The following GPC5 variants were observed in gnomAD, a reference collection of about 807,000 sequenced individuals.
The protein encoded by GPC5 is glypican-5.
A neutral mutation model predicts 53.9 loss-of-function variants in GPC5; 47 were observed. The ratio of observed to expected loss-of-function variants is 0.87; its 90% CI spans 0.69 to 1.11. The LOEUF is 1.11. GPC5 is among the 50% of genes most tolerant of loss of function. The probability of loss-of-function intolerance (pLI) is 0.00; values close to 1 mark genes in which losing one functional copy is unlikely to be tolerated. For synonymous variants in GPC5, 286 were observed against 263.3 expected (o/e 1.09, Z -0.84); for missense variants, 748 against 713.1 (o/e 1.05, Z -0.56).
intron 6 of GPC5, among the ~76,000 whole-genome samples, chr13:91,988,867 GT>G (rs1334806836): frequency 6.6e-6 from 1 of 150,666 alleles, no homozygotes; most frequent in African/African-American, 2.4e-5. Flanking sequence ...ATTCTGGAGT[GT>G]TTTAGATTTG....
intron 7 of GPC5, among the ~76,000 whole-genome samples, chr13:92,811,809 A>G (rs1284153125): frequency 6.6e-6 from 1 of 151,956 alleles, no homozygotes. Flanking sequence ...GTTCAACATC[A>G]TACTTTTGAG....
chr13:92,619,324 G>A (rs1389694106), intron 7 of GPC5, among the ~76,000 whole-genome samples: 2 of 151,810 alleles, frequency 1.3e-5, no homozygotes, highest in South Asian at 4.1e-4. Flanking sequence ...ATTATGAAAG[G>A]CTTCATATTG....
At chr13:91,670,898 A>G (rs1177174846) in intron 2 of GPC5, among the ~76,000 whole-genome samples, 1 of 152,164 alleles carries the variant, frequency 6.6e-6, no homozygotes, top group African/African-American at 2.4e-5. Flanking sequence ...AAAAATAAAA[A>G]CTACATACTT....
intron 7 of GPC5, among the ~76,000 whole-genome samples, chr13:92,711,283 C>A (rs959699731): frequency 6.6e-6 from 1 of 152,146 alleles, no homozygotes; most frequent in African/African-American, 2.4e-5. Flanking sequence ...ATACAATCCA[C>A]AACACTTTGA....
At chr13:92,175,003 C>T (rs998219278) in intron 7 of GPC5, among the ~76,000 whole-genome samples, 4 of 152,148 alleles carry the variant, frequency 2.6e-5, no homozygotes, top group South Asian at 2.1e-4. Flanking sequence ...GGATGCGCCA[C>T]CACGTCCTGC....
At chr13:91,467,594 G>A (rs1289358202) in intron 2 of GPC5, among the ~76,000 whole-genome samples, 2 of 151,878 alleles carry the variant, frequency 1.3e-5, no homozygotes, top group Non-Finnish European at 2.9e-5. Context: ...TGTTGATGCT[G>A]TTTTTCCAAG....
intron 7 of GPC5, among the ~76,000 whole-genome samples, chr13:92,212,799 C>T (rs2139076547): frequency 6.6e-6 from 1 of 152,308 alleles, no homozygotes; most frequent in East Asian, 1.9e-4. Flanking sequence ...TACCTAAAGA[C>T]TTTACCTGGC....
chr13:91,561,074 G>A (rs919390020), intron 2 of GPC5, among the ~76,000 whole-genome samples: 1 of 152,106 alleles, frequency 6.6e-6, no homozygotes, highest in African/African-American at 2.4e-5. Flanking sequence ...CTAATTTTTG[G>A]TTCCTGGAGA....
chr13:92,333,489 C>A (rs2139238086), intron 7 of GPC5, among the ~76,000 whole-genome samples: 1 of 152,122 alleles, frequency 6.6e-6, no homozygotes, highest in Non-Finnish European at 1.5e-5. Flanking sequence ...AAGGAAAATA[C>A]CAATCTTTGG....
intron 5 of GPC5, among the ~76,000 whole-genome samples, chr13:91,902,873 C>G (rs1216022491): frequency 4.0e-5 from 6 of 151,848 alleles, no homozygotes; most frequent in Admixed American, 2.6e-4. Flanking sequence ...TTAAACATAC[C>G]TGTGTGGGTC....
intron 5 of GPC5, among the ~76,000 whole-genome samples, chr13:91,836,759 C>T (rs2138864614): frequency 6.6e-6 from 1 of 151,792 alleles, no homozygotes; most frequent in Middle Eastern, 3.4e-3. Context: ...TTTTTGCTGA[C>T]TGGGACAAAT....
rs1003670892 is a variant in GPC5 at position 92,490,784 on chromosome 13, C to T, written c.1561+345795C>T. Among the ~76,000 whole-genome samples, 12 of 152,076 alleles carry T rather than the reference C, an allele frequency of 7.9e-5. 1 individual carries two copies. Among genetic ancestry groups the T allele is most frequent in the Admixed American group, 7.2e-4 (11 of 15,254 alleles). On this transcript the variant is annotated intron_variant, in intron 7 of 7. Transcript: ENST00000377067. The stretch of plus-strand genomic sequence containing the variant: ...TAACAGATAATGAACTAAAAATTTT[C>T]TTAAAAATAATTGACTGAAAAGATA...
chr13:91,976,968 G>A (rs2040308558), intron 6 of GPC5, among the ~76,000 whole-genome samples: 1 of 151,988 alleles, frequency 6.6e-6, no homozygotes, highest in African/African-American at 2.4e-5. Context: ...GAACCCAGGA[G>A]ATGGAGGTTT....
intron 7 of GPC5, among the ~76,000 whole-genome samples, chr13:92,782,059 G>T (rs1876044911): frequency 6.7e-6 from 1 of 148,698 alleles, no homozygotes; most frequent in African/African-American, 2.5e-5. Flanking sequence ...GAAGGGAAGT[G>T]AAGGGGAAGG....
At chr13:92,860,330 A>T (rs1879139270) in intron 7 of GPC5, among the ~76,000 whole-genome samples, 1 of 152,162 alleles carries the variant, frequency 6.6e-6, no homozygotes, top group Non-Finnish European at 1.5e-5. Context: ...ATGAGGCTAT[A>T]GGGCTACCGG....
chr13:91,400,427 C>A (rs1405773335), intron 1 of GPC5, among the ~76,000 whole-genome samples: 2 of 152,150 alleles, frequency 1.3e-5, no homozygotes, highest in African/African-American at 4.8e-5. Context: ...GTACTAGGTG[C>A]TTTTTCTGTA....
intron 3 of GPC5, among the ~76,000 whole-genome samples, chr13:91,694,118 C>A (rs1381262929): frequency 6.6e-6 from 1 of 152,120 alleles, no homozygotes; most frequent in South Asian, 2.1e-4. Flanking sequence ...AAATCAGGAA[C>A]AGCATAGATT....
chr13:92,831,018 A>T (rs1350753116), intron 7 of GPC5, among the ~76,000 whole-genome samples: 1 of 152,140 alleles, frequency 6.6e-6, no homozygotes, highest in East Asian at 1.9e-4. Flanking sequence ...TGAGAACAGT[A>T]ACTTGTTTGC....
chr13:92,649,299 A>G (rs1371426439), intron 7 of GPC5, among the ~76,000 whole-genome samples: 1 of 152,098 alleles, frequency 6.6e-6, no homozygotes, highest in East Asian at 1.9e-4. Context: ...GGCTTCCCCT[A>G]TAAGCTCTCT....
Sources: gnomAD v4.1 joint callset for allele counts (sites outside exome capture counted in the v4.1 genomes callset) on GRCh38, gnomAD v4.1.1 for gene constraint, MANE v1.5 for transcripts, NCBI Gene and HGNC (gene_info 2026-07-23, HGNC 2026-07-21) for gene names.